Variants in USP24 observed in about 807,000 individuals in gnomAD.
USP24 encodes the protein ubiquitin specific peptidase 24.
USP24 carries 97 observed loss-of-function variants against 361.6 expected under a neutral mutation model. The observed-to-expected ratio is 0.27, with a 90% CI of 0.23 to 0.32. The LOEUF (loss-of-function observed/expected upper bound fraction) is 0.32. Ranked by LOEUF, USP24 falls within the 10% of genes least tolerant of loss-of-function variation. The probability of loss-of-function intolerance (pLI) is 1.00; values close to 1 mark genes in which losing one functional copy is unlikely to be tolerated. For synonymous variants in USP24, 1,098 were observed against 1,124.6 expected, an observed-to-expected ratio of 0.98 and a Z score of 0.47; for missense variants, 2,353 against 3,165.6, an observed-to-expected ratio of 0.74 and a Z score of 6.16.
chr1:55,192,454 G>A (rs1191894838), intron 1 of USP24, among the ~76,000 whole-genome samples: 1 of 152,144 alleles, frequency 6.6e-6, no homozygotes, highest in African/African-American at 2.4e-5. Flanking sequence ...GTGCTCAAAA[G>A]AACCTCTGAT....
chr1:55,113,805 T>C (rs1418626346), intron 38 of USP24, among the ~76,000 whole-genome samples: 1 of 152,198 alleles, frequency 6.6e-6, no homozygotes, highest in African/African-American at 2.4e-5. Flanking sequence ...GCCAATATCA[T>C]ACTGAATGGG....
intron 11 of USP24, 48 bp from the exon 12 acceptor site, chr1:55,157,099 C>G: frequency 1.3e-6 from 2 of 1,499,540 alleles, no homozygotes; most frequent in Non-Finnish European, 9.2e-7. Flanking sequence ...TGAACACTGA[C>G]TCTCTAAATA....
At chr1:55,206,741 T>C (rs1339403230) in intron 1 of USP24, among the ~76,000 whole-genome samples, 1 of 144,858 alleles carries the variant, frequency 6.9e-6, no homozygotes, top group Non-Finnish European at 1.5e-5. Flanking sequence ...GCATGAAAAA[T>C]ATTTAGGATA....
intron 26 of USP24, among the ~76,000 whole-genome samples, 188 bp downstream of exon 26, chr1:55,138,420 G>A (rs1646796800): frequency 1.3e-5 from 2 of 151,812 alleles, no homozygotes; most frequent in Admixed American, 1.3e-4. Context: ...CTTAACCACC[G>A]CTTGACATTA....
At position 55,154,114 on chromosome 1, in the gene USP24, C is replaced by A; in HGVS notation, c.1812+5G>T. On this transcript the variant is annotated splice_donor_5th_base_variant and intron_variant, in intron 15 of 67. Coordinates refer to ENST00000294383, the MANE Select transcript of USP24 (RefSeq NM_015306.3). ...CAACAAAATCAGATAAAAGCTGAAA[C>A]CAACCCTCTTAATATCTTCTATGCA... The A allele has an allele frequency of 6.2e-7, 1 of 1,613,332 alleles. No homozygotes were observed. Among genetic ancestry groups the A allele is most frequent in the Non-Finnish European group, 8.5e-7 (1 of 1,179,556 alleles).
chr1:55,100,111 CAG>C (rs1385801708), intron 44 of USP24, among the ~76,000 whole-genome samples: 2 of 152,156 alleles, frequency 1.3e-5, no homozygotes, highest in Admixed American at 6.5e-5. Flanking sequence ...GGCCATGGAA[CAG>C]AGAATTTCTC....
At chr1:55,078,512 T>TATAAA in intron 61 of USP24, 26 bp downstream of exon 61, 6 of 1,574,200 alleles carry the variant, frequency 3.8e-6, no homozygotes, top group Non-Finnish European at 4.3e-6. Context: ...GCTATCTGGC[T>TATAAA]ATCACTCGTT....
intron 2 of USP24, among the ~76,000 whole-genome samples, 170 bp from the exon 3 acceptor site, chr1:55,176,613 A>T (rs896340769): frequency 6.6e-6 from 1 of 152,258 alleles, no homozygotes; most frequent in Admixed American, 6.5e-5. Context: ...CTTAGTTCTT[A>T]CGAAATTATT....
At chr1:55,105,931 GATA>G (rs1467103048) in intron 41 of USP24, among the ~76,000 whole-genome samples, 13 of 152,138 alleles carry the variant, frequency 8.5e-5, no homozygotes, top group Non-Finnish European at 1.6e-4. Flanking sequence ...CCATTCTGAG[GATA>G]ATAATGGTAC....
chr1:55,176,426 C>T lies in USP24; in HGVS notation c.508G>A (p.Glu170Lys). Residue 170 changes from glutamate (E) to lysine (K), a missense_variant, in exon 3 of 68, where the codon GAG becomes AAG. Transcript: ENST00000294383. ...LARLGLSESD[E>K]NCRRFMDRCM... ...CTGTCCATAAACCTTCTACAATTCT[C>T]ATCAGACTCGGAAAGACCTTAGTAA... 1 of 1,570,940 alleles carries T rather than the reference C, an allele frequency of 6.4e-7. No homozygotes were observed. Among genetic ancestry groups the T allele is most frequent in the Non-Finnish European group, 8.6e-7 (1 of 1,156,236 alleles).
chr1:55,178,156 A>G, intron 1 of USP24, 24 bp from the exon 2 acceptor site: 1 of 1,436,326 alleles, frequency 7.0e-7, no homozygotes. Flanking sequence ...ATTAAGATAA[A>G]AAGCAAATAA....
At chr1:55,169,789 A>G (rs955633488) in intron 5 of USP24, among the ~76,000 whole-genome samples, 16 of 152,192 alleles carry the variant, frequency 1.1e-4, no homozygotes, top group Admixed American at 7.9e-4. Context: ...AGACTTACCC[A>G]CAAACAGAAC....
Position 55,146,227 on chromosome 1 carries a change from CCACT to C in USP24, c.2251-122_2251-119del, listed in dbSNP as rs1647025574. 9 of 586,588 alleles carry C rather than the reference CCACT, an allele frequency of 1.5e-5. No individual in the cohort carries two copies. In the South Asian group the frequency reaches 2.3e-4, roughly 15 times the overall value. The allele number at this position is 586,588 out of a possible 1,614,324, so 36.3% of individuals were successfully genotyped here. A position where few individuals can be genotyped will look rare whatever the true frequency, so the allele number is the denominator to read the frequency against. On this transcript the variant is annotated intron_variant, in intron 19 of 67. Coordinates refer to ENST00000294383, the MANE Select transcript of USP24 (RefSeq NM_015306.3). ...TTCAAATGTTTATACTGTCAAAATA[CCACT>C]CAAAGCTAAAATGCTTGGAATTCTG...
chr1:55,087,791 G>C (rs1645284375), intron 55 of USP24, among the ~76,000 whole-genome samples: 1 of 152,248 alleles, frequency 6.6e-6, no homozygotes, highest in South Asian at 2.1e-4. Flanking sequence ...CAGACTAGCA[G>C]GCAACATCCG....
At chr1:55,154,925 G>C in intron 12 of USP24, 147 bp from the exon 13 acceptor site, 2 of 590,726 alleles carry the variant, frequency 3.4e-6, no homozygotes, top group Non-Finnish European at 6.0e-6. Context: ...CATAATATTG[G>C]CAAGACTATA....
rs77536801 is a variant in USP24 at position 55,089,323 on chromosome 1, T to C, written c.6668+304A>G. Among the ~76,000 whole-genome samples the C allele has an allele frequency of 1.0e-3, 155 of 152,284 alleles. No homozygotes were observed. In the East Asian group the frequency reaches 0.028, roughly 28 times the overall value. ...CTCTTTCCACCAGATTCCGAGTCCC[T>C]GAGGGAAGAGACTTGCGTCTCTGAC... On this transcript the variant is annotated intron_variant, in intron 55 of 67. Transcript: ENST00000294383.
intron 1 of USP24, among the ~76,000 whole-genome samples, chr1:55,210,108 C>T (rs1023590445): frequency 6.6e-6 from 1 of 152,158 alleles, no homozygotes; most frequent in African/African-American, 2.4e-5. Context: ...TAAAACCACA[C>T]TCACAGACAC....
rs551555609 is a variant in USP24 at position 55,116,002 on chromosome 1, C to T, written c.4508+4594G>A. 5.9e-5 allele frequency among the ~76,000 whole-genome samples: 9 copies of T among 152,164 alleles called. No homozygotes were observed. In the South Asian group the frequency reaches 1.9e-3, roughly 32 times the overall value. On this transcript the variant is annotated intron_variant, in intron 38 of 67. Coordinates refer to ENST00000294383, the MANE Select transcript of USP24 (RefSeq NM_015306.3). ...TGGACACAGGGAGGGGAACACCACA[C>T]ACCAGAACCTGTCGGGGGGTGGGCA...
intron 48 of USP24, 87 bp downstream of exon 48, chr1:55,097,511 C>T (rs965891968): frequency 8.8e-6 from 13 of 1,481,432 alleles, no homozygotes; most frequent in Non-Finnish European, 1.2e-5. Flanking sequence ...ACATGGTAGA[C>T]AGAATATGAA....
Sources: gnomAD v4.1 joint callset for allele counts (sites outside exome capture counted in the v4.1 genomes callset) on GRCh38, gnomAD v4.1.1 for gene constraint, MANE v1.5 for transcripts, NCBI Gene and HGNC (gene_info 2026-07-23, HGNC 2026-07-21) for gene names.